PRKN: variants seen among roughly 807,000 people sequenced by gnomAD.
PRKN encodes parkin RBR E3 ubiquitin protein ligase.
A neutral mutation model predicts 59.5 loss-of-function variants in PRKN; 56 were observed. The ratio of observed to expected loss-of-function variants is 0.94; its 90% CI spans 0.76 to 1.18. The LOEUF (loss-of-function observed/expected upper bound fraction) is 1.18, where lower values mean the gene tolerates loss of function less well. PRKN is among the 50% of genes most tolerant of loss of function. The pLI is 0.00. For synonymous variants in PRKN, 250 were observed against 222.1 expected (o/e 1.13, Z -1.12); for missense variants, 657 against 596.4 (o/e 1.10, Z -1.06).
At chr6:161,846,395 G>A (rs781667347) in intron 6 of PRKN, among the ~76,000 whole-genome samples, 5 of 152,082 alleles carry the variant, frequency 3.3e-5, no homozygotes, top group Non-Finnish European at 5.9e-5. Context: ...TTTCCCTAAA[G>A]CCCTTGAAAG....
At chr6:161,647,075 T>G (rs1783983937) in intron 7 of PRKN, among the ~76,000 whole-genome samples, 2 of 152,196 alleles carry the variant, frequency 1.3e-5, no homozygotes, top group South Asian at 2.1e-4. Flanking sequence ...GTGCTCATAA[T>G]GTAATATGGT....
At chr6:162,406,571 T>C (rs1402367507) in intron 2 of PRKN, among the ~76,000 whole-genome samples, 2 of 152,252 alleles carry the variant, frequency 1.3e-5, no homozygotes, top group Non-Finnish European at 2.9e-5. Flanking sequence ...GACCTCGTTG[T>C]GTCTTTACCA....
intron 7 of PRKN, among the ~76,000 whole-genome samples, chr6:161,736,291 G>A (rs531495981): frequency 3.3e-5 from 5 of 152,272 alleles, no homozygotes; most frequent in Admixed American, 1.3e-4. Flanking sequence ...GCTTGCAGCT[G>A]TTTATACTCT....
chr6:162,213,007 G>A (rs1777456163), intron 3 of PRKN, among the ~76,000 whole-genome samples: 1 of 152,086 alleles, frequency 6.6e-6, no homozygotes, highest in Admixed American at 6.6e-5. Context: ...GTCCATCCTT[G>A]ACTGTATGTC....
intron 4 of PRKN, among the ~76,000 whole-genome samples, chr6:162,114,633 C>G (rs916102803): frequency 6.6e-6 from 1 of 151,166 alleles, no homozygotes; most frequent in Non-Finnish European, 1.5e-5. Context: ...ACAATGAACT[C>G]AAACAAATTT....
chr6:161,865,892 T>G (rs527642440), intron 6 of PRKN, among the ~76,000 whole-genome samples: 113 of 152,338 alleles, frequency 7.4e-4, no homozygotes, highest in African/African-American at 2.7e-3. Context: ...GATAACTTAT[T>G]GGAGCAAGAG....
At chr6:162,131,349 G>T (rs959509852) in intron 4 of PRKN, among the ~76,000 whole-genome samples, 2 of 152,168 alleles carry the variant, frequency 1.3e-5, no homozygotes, top group African/African-American at 4.8e-5. Context: ...ATGGCCAAAT[G>T]AATTTTAGTT....
chr6:161,828,501 C>G (rs771344048), intron 6 of PRKN, among the ~76,000 whole-genome samples: 1 of 152,308 alleles, frequency 6.6e-6, no homozygotes, highest in South Asian at 2.1e-4. Flanking sequence ...CCCGACCTCA[C>G]GCCACTGTGC....
chr6:161,878,057 T>G (rs1794801974), intron 6 of PRKN, among the ~76,000 whole-genome samples: 1 of 152,110 alleles, frequency 6.6e-6, no homozygotes, highest in Non-Finnish European at 1.5e-5. Context: ...TGCTGGCCAG[T>G]TTCTTGTGTC....
intron 6 of PRKN, among the ~76,000 whole-genome samples, chr6:161,879,964 G>T (rs1266317505): frequency 1.3e-5 from 2 of 152,104 alleles, no homozygotes; most frequent in African/African-American, 2.4e-5. Context: ...AGATGAAAAT[G>T]CACAGAATAA....
At chr6:162,692,914 G>A (rs1251486624) in intron 1 of PRKN, among the ~76,000 whole-genome samples, 1 of 152,028 alleles carries the variant, frequency 6.6e-6, no homozygotes, top group East Asian at 1.9e-4. Flanking sequence ...GATTCAACCA[G>A]CCTTATTATC....
intron 9 of PRKN, among the ~76,000 whole-genome samples, chr6:161,418,823 G>A (rs1358604574): frequency 6.6e-6 from 1 of 152,196 alleles, no homozygotes; most frequent in Non-Finnish European, 1.5e-5. Flanking sequence ...TCTAAACCAT[G>A]TTTGTACCTC....
In PRKN at chr6:161,575,668, T is replaced by C. The variant is rs897713393; in HGVS notation, c.872-6252A>G. ...TGAGCACCCAGGCTTGGGATAGAAATGGAAATGGATTTCAGCTCTCTGATG... is the reference window on the plus strand; with the variant it reads ...TGAGCACCCAGGCTTGGGATAGAAACGGAAATGGATTTCAGCTCTCTGATG... On this transcript the variant is annotated intron_variant, in intron 7 of 11. Transcript: ENST00000366898. The surrounding 1 kb of genome is among the most constrained non-coding windows in gnomAD (Gnocchi z 4.6). 1.3e-5 allele frequency among the ~76,000 whole-genome samples: 2 copies of C among 152,216 alleles called. No homozygotes were observed. The highest frequency in any genetic ancestry group is 4.8e-5 in the African/African-American group (2 of 41,448).
intron 6 of PRKN, among the ~76,000 whole-genome samples, chr6:161,846,110 TGAGG>T (rs750073420): frequency 6.6e-6 from 1 of 152,206 alleles, no homozygotes; most frequent in Admixed American, 6.5e-5. Context: ...AGAGTTAACA[TGAGG>T]GAGGACTTAT....
chr6:161,405,205 C>A lies in PRKN; in HGVS notation c.1084-18328G>T, dbSNP rs968887759. On this transcript the variant is annotated intron_variant, in intron 9 of 11. Transcript: ENST00000366898. The surrounding 1 kb of genome is among the most constrained non-coding windows in gnomAD (Gnocchi z 5.1). ...CTTGGTCACACAGTGACAAGATTTA[C>A]AATGGGATTTGGGGGAAAAGTCATT... 6.6e-6 allele frequency among the ~76,000 whole-genome samples: 1 copy of A among 152,180 alleles called. No individual in the cohort carries two copies. Among genetic ancestry groups the A allele is most frequent in the Admixed American group, 6.5e-5 (1 of 15,284 alleles).
chr6:161,754,475 T>C lies in PRKN; in HGVS notation c.871+31297A>G, dbSNP rs138068595. 1.4e-3 allele frequency among the ~76,000 whole-genome samples: 208 copies of C among 151,936 alleles called. 1 individual carries two copies. Among genetic ancestry groups the C allele is most frequent in the African/African-American group, 4.9e-3 (201 of 41,438 alleles). On this transcript the variant is annotated intron_variant, in intron 7 of 11. Transcript: ENST00000366898. ...CCGAGGGGTGGGGACACGAGGGCCA[T>C]GAGGTGGGTGCTTGTGGGAGGCTGC...
At chr6:161,720,777 TTTA>T (rs201961645) in intron 7 of PRKN, among the ~76,000 whole-genome samples, 20,652 of 146,796 alleles carry the variant, frequency 0.14, 2,025 homozygotes, top group African/African-American at 0.31. Context: ...TTTTTTTTTT[TTTA>T]ACTATTTTTA....
Position 161,554,525 on chromosome 6 carries a change from G to T in PRKN, c.934-5522C>A, listed in dbSNP as rs1023555817. 1.3e-5 allele frequency among the ~76,000 whole-genome samples: 2 copies of T among 151,628 alleles called. No homozygotes were observed. The highest frequency in any genetic ancestry group is 2.4e-5 in the African/African-American group (1 of 41,236). Reference sequence around the variant, plus strand: ...ATCTTGTTCTCTAGTAAATTCCTCAGGAAGAGTTCCTGGGAAATACAGTCA... The same window carrying T: ...ATCTTGTTCTCTAGTAAATTCCTCATGAAGAGTTCCTGGGAAATACAGTCA... On this transcript the variant is annotated intron_variant, in intron 8 of 11. Transcript: ENST00000366898. The surrounding 1 kb of genome is among the most constrained non-coding windows in gnomAD (Gnocchi z 4.5).
At position 161,451,255 on chromosome 6, in the gene PRKN, A is replaced by G. The variant is rs1234958253; in HGVS notation, c.1084-64378T>C. The stretch of plus-strand genomic sequence containing the variant: ...CAGGGGTCTCTTTTATCCTACCGTC[A>G]TCTCATTTCCAGATAAAACACCTCC... On this transcript the variant is annotated intron_variant, in intron 9 of 11. Coordinates refer to ENST00000366898, the MANE Select transcript of PRKN (RefSeq NM_004562.3). The surrounding 1 kb of genome is among the most constrained non-coding windows in gnomAD (Gnocchi z 5.9). 1.3e-5 allele frequency among the ~76,000 whole-genome samples: 2 copies of G among 152,188 alleles called. No homozygotes were observed. The highest frequency in any genetic ancestry group is 4.8e-5 in the African/African-American group (2 of 41,430).
Sources: gnomAD v4.1 joint callset for allele counts (sites outside exome capture counted in the v4.1 genomes callset) on GRCh38, gnomAD v4.1.1 for gene constraint, Gnocchi (gnomAD v3.1) non-coding constraint, MANE v1.5 for transcripts, NCBI Gene and HGNC (gene_info 2026-07-23, HGNC 2026-07-21) for gene names.